Variants in SLC8A1 observed in about 807,000 individuals in gnomAD.
SLC8A1 encodes solute carrier family 8 member A1, also known as sodium/calcium exchanger 1.
Under a neutral mutation model 68.3 loss-of-function variants are expected in SLC8A1, and 18 were observed. The observed-to-expected ratio is 0.26, with a 90% confidence interval of 0.18 to 0.39. The LOEUF (loss-of-function observed/expected upper bound fraction) is 0.39. SLC8A1 is among the 10% of genes least tolerant of loss of function. The probability of loss-of-function intolerance (pLI) is 1.00; values close to 1 mark genes in which losing one functional copy is unlikely to be tolerated. For missense variants in SLC8A1, 985 were observed against 1,156.7 expected, an observed-to-expected ratio of 0.85 and a Z score of 2.15; for synonymous variants, 475 against 415.5, an observed-to-expected ratio of 1.14 and a Z score of -1.74.
intron 2 of SLC8A1, among the ~76,000 whole-genome samples, chr2:40,305,475 C>A (rs1209905011): frequency 1.3e-5 from 2 of 152,122 alleles, no homozygotes; most frequent in African/African-American, 2.4e-5. Flanking sequence ...GGGAGGGAGA[C>A]AAATATATAA....
intron 2 of SLC8A1, among the ~76,000 whole-genome samples, chr2:40,260,579 A>G (rs938701066): frequency 1.3e-5 from 2 of 152,216 alleles, no homozygotes; most frequent in Admixed American, 1.3e-4. Context: ...AATTAATGTC[A>G]GTTATACCCA....
chr2:40,293,731 T>G (rs1355289807), intron 2 of SLC8A1, among the ~76,000 whole-genome samples: 1 of 152,148 alleles, frequency 6.6e-6, no homozygotes, highest in East Asian at 1.9e-4. Context: ...CTCGATTAGG[T>G]GCAATTTGCT....
At chr2:40,314,191 A>G (rs1003961849) in intron 2 of SLC8A1, among the ~76,000 whole-genome samples, 1 of 152,214 alleles carries the variant, frequency 6.6e-6, no homozygotes, top group Admixed American at 6.6e-5. Context: ...GTGAAGTAAT[A>G]GATCAAAATT....
At chr2:40,312,385 G>A (rs1215098989) in intron 2 of SLC8A1, among the ~76,000 whole-genome samples, 1 of 152,030 alleles carries the variant, frequency 6.6e-6, no homozygotes, top group East Asian at 1.9e-4. Flanking sequence ...TATTAATGGT[G>A]CCACTTTGCT....
intron 2 of SLC8A1, among the ~76,000 whole-genome samples, chr2:40,191,520 T>A (rs1239313305): frequency 2.0e-5 from 3 of 152,168 alleles, no homozygotes; most frequent in Non-Finnish European, 2.9e-5. Flanking sequence ...ACTAAAAATG[T>A]GTTTTGCTTT....
intron 2 of SLC8A1, chr2:40,223,513 A>T (rs2058607739): frequency 1.3e-5 from 2 of 152,174 alleles, no homozygotes; most frequent in African/African-American, 2.4e-5. Flanking sequence ...CTTAAAGTAT[A>T]TATTAAAAAA....
rs190976822 is a variant in SLC8A1 at position 40,116,657 on chromosome 2, C to G, written c.2438-1028G>C. Reference sequence around the variant, plus strand: ...ATGACAAGTAGTGGATGCAATATCACAACTAGGAAAAAAACATGTTAGGGC... The same window carrying G: ...ATGACAAGTAGTGGATGCAATATCAGAACTAGGAAAAAAACATGTTAGGGC... On this transcript the variant is annotated intron_variant, in intron 7 of 7. Coordinates refer to ENST00000406785, the Ensembl canonical transcript of SLC8A1. Among the ~76,000 whole-genome samples, 15 of 126,744 alleles carry G rather than the reference C, an allele frequency of 1.2e-4. No homozygotes were observed. In the Admixed American group the frequency reaches 1.2e-3, roughly 11 times the overall value. 83.1% of individuals were successfully genotyped at this position (126,744 alleles called of 152,430 possible).
intron 4 of SLC8A1, among the ~76,000 whole-genome samples, chr2:40,172,819 G>A (rs1416930698): frequency 2.0e-5 from 3 of 152,100 alleles, no homozygotes; most frequent in African/African-American, 7.2e-5. Context: ...GCACGTGCCT[G>A]TAGTCCCAGA....
chr2:40,294,255 T>G (rs1400776723), intron 2 of SLC8A1, among the ~76,000 whole-genome samples: 1 of 152,134 alleles, frequency 6.6e-6, no homozygotes, highest in African/African-American at 2.4e-5. Flanking sequence ...TGTCCATCAT[T>G]TGAGGTTCCT....
intron 2 of SLC8A1, among the ~76,000 whole-genome samples, chr2:40,348,048 T>G (rs1669901085): frequency 6.6e-6 from 1 of 152,082 alleles, no homozygotes; most frequent in African/African-American, 2.4e-5. Context: ...AGGAAGGAGG[T>G]CAGTAATTTG....
chr2:40,222,688 C>T (rs1222394283), intron 2 of SLC8A1, among the ~76,000 whole-genome samples: 1 of 151,936 alleles, frequency 6.6e-6, no homozygotes, highest in Non-Finnish European at 1.5e-5. Context: ...AAAAAACAGC[C>T]CCATCAAAAA....
exon 8 of SLC8A1, chr2:40,112,688 T>C (rs550518036): frequency 9.4e-5 from 14 of 148,776 alleles, no homozygotes; most frequent in Admixed American, 5.4e-4. Context: ...ATGGGAAGGA[T>C]GGGTTAGAAT....
chr2:40,258,308 G>A (rs2064219802), intron 2 of SLC8A1, among the ~76,000 whole-genome samples: 1 of 152,202 alleles, frequency 6.6e-6, no homozygotes, highest in African/African-American at 2.4e-5. Flanking sequence ...GTGCTGGCAT[G>A]CCAAGAGCAA....
In SLC8A1 at chr2:40,300,405, T is replaced by C. The variant is rs1559146967; in HGVS notation, c.1809-122550A>G. Among the ~76,000 whole-genome samples, 8 of 152,090 alleles carry C rather than the reference T, an allele frequency of 5.3e-5. No individual in the cohort carries two copies. In the East Asian group the frequency reaches 1.6e-3, roughly 29 times the overall value. On this transcript the variant is annotated intron_variant, in intron 2 of 7. Coordinates refer to ENST00000406785, the Ensembl canonical transcript of SLC8A1. The stretch of plus-strand genomic sequence containing the variant: ...TGGAGCCAGGATGTGCTTCACTGCT[T>C]TAGAAGTTCGAGTGTTTAAAATCCA...
chr2:40,470,748 A>C (rs1299861072), intron 1 of SLC8A1, among the ~76,000 whole-genome samples: 1 of 151,978 alleles, frequency 6.6e-6, no homozygotes, highest in East Asian at 1.9e-4. Flanking sequence ...TTTTCTTTCT[A>C]CTTTATTTAC....
chr2:40,321,527 C>A (rs528125538), intron 2 of SLC8A1, among the ~76,000 whole-genome samples: 15 of 152,126 alleles, frequency 9.9e-5, no homozygotes, highest in Admixed American at 3.9e-4. Context: ...GGGTAATTTA[C>A]AAAGAAAAGA....
intron 1 of SLC8A1, among the ~76,000 whole-genome samples, chr2:40,435,655 G>T (rs955594072): frequency 1.3e-5 from 2 of 152,140 alleles, no homozygotes; most frequent in Admixed American, 1.3e-4. Flanking sequence ...GTGAAGGTAG[G>T]CAATGTGGTC....
chr2:40,370,926 G>A (rs1389788271), intron 2 of SLC8A1, among the ~76,000 whole-genome samples: 2 of 151,990 alleles, frequency 1.3e-5, no homozygotes, highest in African/African-American at 4.8e-5. Flanking sequence ...ATTTTATTTA[G>A]CATGACTTAG....
At chr2:40,355,741 C>A (rs1446661290) in intron 2 of SLC8A1, among the ~76,000 whole-genome samples, 1 of 152,092 alleles carries the variant, frequency 6.6e-6, no homozygotes, top group African/African-American at 2.4e-5. Flanking sequence ...GGTCATCATT[C>A]GAATGTCAGT....
Sources: gnomAD v4.1 joint callset for allele counts (sites outside exome capture counted in the v4.1 genomes callset) on GRCh38, gnomAD v4.1.1 for gene constraint, MANE v1.5 for transcripts, NCBI Gene and HGNC (gene_info 2026-07-23, HGNC 2026-07-21) for gene names.